Variants in BRD10 observed in about 807,000 individuals in gnomAD.
BRD10 encodes bromodomain containing 10, also known as uncharacterized bromodomain-containing protein 10.
the BRD10 span, among the ~76,000 whole-genome samples, chr9:6,001,376 G>A: frequency 6.6e-6 from 1 of 152,142 alleles, no homozygotes; most frequent in Admixed American, 6.5e-5. Flanking sequence ...TCCCTAGCAA[G>A]CATTCACGGT....
the BRD10 span, among the ~76,000 whole-genome samples, chr9:5,918,723 GC>G: frequency 1.3e-5 from 2 of 150,792 alleles, no homozygotes; most frequent in African/African-American, 4.9e-5. Flanking sequence ...TACTTGGGGG[GC>G]TGAGGTGGGA....
chr9:5,950,582 C>G, the BRD10 span, among the ~76,000 whole-genome samples: 2 of 152,234 alleles, frequency 1.3e-5, no homozygotes, highest in East Asian at 1.9e-4. Flanking sequence ...AGGATGAAAC[C>G]AACAATCTTC....
chr9:5,919,714 G>A, the BRD10 span: 1 of 1,611,558 alleles, frequency 6.2e-7, no homozygotes. Flanking sequence ...GCTTCTCTAA[G>A]CCCGACGACT....
chr9:5,941,020 A>G, the BRD10 span, among the ~76,000 whole-genome samples: 2 of 152,124 alleles, frequency 1.3e-5, no homozygotes, highest in African/African-American at 4.8e-5. Flanking sequence ...CAATCTCTAC[A>G]AGGGTCTTTC....
the BRD10 span, among the ~76,000 whole-genome samples, chr9:5,975,963 G>A: frequency 6.6e-6 from 1 of 152,208 alleles, no homozygotes; most frequent in Non-Finnish European, 1.5e-5. Context: ...CCTATCAGTG[G>A]AAGTAGGTGT....
chr9:5,915,806 C>T, the BRD10 span, among the ~76,000 whole-genome samples: 2 of 152,274 alleles, frequency 1.3e-5, no homozygotes, highest in East Asian at 3.9e-4. Flanking sequence ...CCTGCAACAT[C>T]TTCTACATTA....
chr9:5,923,802 T>G, the BRD10 span, among the ~76,000 whole-genome samples: 1 of 152,220 alleles, frequency 6.6e-6, no homozygotes, highest in African/African-American at 2.4e-5. Context: ...AAAAAATTTA[T>G]GTTCATATTC....
At chr9:5,904,048 G>T in the BRD10 span, among the ~76,000 whole-genome samples, 1 of 151,996 alleles carries the variant, frequency 6.6e-6, no homozygotes, top group South Asian at 2.1e-4. Context: ...AGCAGAGATG[G>T]GGTTTCACCA....
the BRD10 span, among the ~76,000 whole-genome samples, chr9:5,989,603 C>A: frequency 6.8e-6 from 1 of 146,698 alleles, no homozygotes; most frequent in Non-Finnish European, 1.5e-5. Context: ...GTGGTATGAT[C>A]CTGCAGCTTC....
chr9:5,980,057 T>G, the BRD10 span, among the ~76,000 whole-genome samples: 1 of 151,350 alleles, frequency 6.6e-6, no homozygotes, highest in African/African-American at 2.4e-5. Flanking sequence ...ATCTTAAATG[T>G]GTTATCTACT....
chr9:6,007,408 C>A, the BRD10 span: 7 of 1,608,044 alleles, frequency 4.4e-6, no homozygotes, highest in South Asian at 1.1e-5. Context: ...CGGGAAGGCG[C>A]GACCGCCCCG....
At chr9:5,943,879 G>C in the BRD10 span, among the ~76,000 whole-genome samples, 358 of 152,218 alleles carry the variant, frequency 2.4e-3, 2 homozygotes, top group Middle Eastern at 0.014. Flanking sequence ...CTTCTGAAAT[G>C]CTTAAGGCTG....
At chr9:5,920,262 G>A in the BRD10 span, 122 of 1,613,842 alleles carry the variant, frequency 7.6e-5, 1 homozygote, top group Non-Finnish European at 1.0e-4. Flanking sequence ...GTAGATATAA[G>A]GAGAACATGG....
chr9:5,886,421 G>A, the BRD10 span, among the ~76,000 whole-genome samples: 3 of 152,336 alleles, frequency 2.0e-5, no homozygotes, highest in South Asian at 2.1e-4. Context: ...TCTGTGCCAC[G>A]TGCTGTACCA....
the BRD10 span, among the ~76,000 whole-genome samples, chr9:5,975,420 C>T: frequency 1.1e-4 from 8 of 74,872 alleles, no homozygotes; most frequent in Non-Finnish European, 4.7e-5. Context: ...GCATGGGCAA[C>T]AAGAGTGAAA....
the BRD10 span, among the ~76,000 whole-genome samples, chr9:5,959,256 C>G: frequency 1.9e-3 from 286 of 152,180 alleles, 1 homozygote; most frequent in African/African-American, 6.6e-3. Context: ...TTCATCTTAC[C>G]CCTGCCAGCT....
the BRD10 span, among the ~76,000 whole-genome samples, chr9:5,926,495 A>G: frequency 1.3e-5 from 2 of 151,930 alleles, no homozygotes; most frequent in African/African-American, 4.8e-5. Flanking sequence ...TTTTGTACAG[A>G]CACAGTTGCA....
the BRD10 span, chr9:5,922,243 G>T: frequency 1.9e-6 from 3 of 1,613,966 alleles, no homozygotes; most frequent in East Asian, 4.5e-5. Context: ...AACAGTTGAA[G>T]GAACTACCAG....
At chr9:5,989,650 C>T in the BRD10 span, among the ~76,000 whole-genome samples, 2 of 151,682 alleles carry the variant, frequency 1.3e-5, no homozygotes, top group Admixed American at 1.3e-4. Flanking sequence ...CCACCTCAGC[C>T]TCCTCAGTAG....
Sources: allele counts gnomAD v4.1 joint callset (sites outside exome capture counted in the v4.1 genomes callset), GRCh38; gene constraint gnomAD v4.1.1; transcripts MANE v1.5; gene names NCBI Gene and HGNC (gene_info 2026-07-23, HGNC 2026-07-21).